CFDP1: variants seen among roughly 807,000 people sequenced by gnomAD.
CFDP1 encodes the protein chromatin remodeling protein CFDP1.
A neutral mutation model predicts 40.1 loss-of-function variants in CFDP1; 31 were observed. That is an observed-to-expected ratio of 0.77 (90% CI 0.58 to 1.04). CFDP1 has a LOEUF of 1.04. Ranked by LOEUF, CFDP1 falls within the 50% of genes least tolerant of loss-of-function variation. CFDP1 has a pLI of 0.00. For synonymous variants in CFDP1, 167 were observed against 120.0 expected (o/e 1.39, Z -2.56); for missense variants, 423 against 343.4 (o/e 1.23, Z -1.83).
chr16:75,365,779 C>T (rs1001519076), intron 5 of CFDP1, among the ~76,000 whole-genome samples: 1 of 152,086 alleles, frequency 6.6e-6, no homozygotes, highest in Non-Finnish European at 1.5e-5. Context: ...TACAAATAGC[C>T]AGTAAGTACA....
At chr16:75,353,453 C>G (rs1209171612) in intron 5 of CFDP1, among the ~76,000 whole-genome samples, 1 of 152,008 alleles carries the variant, frequency 6.6e-6, no homozygotes, top group Non-Finnish European at 1.5e-5. Flanking sequence ...GGTAGGAGTA[C>G]AGGTGATATA....
chr16:75,385,022 CTTAAT>C (rs1271651664), intron 5 of CFDP1, among the ~76,000 whole-genome samples: 1 of 151,028 alleles, frequency 6.6e-6, no homozygotes, highest in Non-Finnish European at 1.5e-5. Context: ...TTAACTTATT[CTTAAT>C]TTATTTTTAA....
At chr16:75,389,494 C>G (rs2078930017) in intron 5 of CFDP1, among the ~76,000 whole-genome samples, 1 of 152,164 alleles carries the variant, frequency 6.6e-6, no homozygotes, top group African/African-American at 2.4e-5. Context: ...ATTTGCTCCT[C>G]TAAATCTGTT....
intron 5 of CFDP1, among the ~76,000 whole-genome samples, chr16:75,388,862 G>A (rs11149820): frequency 0.5 from 75,272 of 151,540 alleles, 20,127 homozygotes; most frequent in Admixed American, 0.63. Flanking sequence ...CTATCTTTGG[G>A]GAAAACACTG....
intron 5 of CFDP1, among the ~76,000 whole-genome samples, chr16:75,306,076 C>T (rs911006638): frequency 1.3e-5 from 2 of 152,272 alleles, no homozygotes; most frequent in East Asian, 3.9e-4. Flanking sequence ...TGAAATGAAA[C>T]GAAATCATCT....
chr16:75,378,953 C>T (rs1274206670), intron 5 of CFDP1, among the ~76,000 whole-genome samples: 1 of 151,922 alleles, frequency 6.6e-6, no homozygotes, highest in African/African-American at 2.4e-5. Context: ...CAACAGAAAA[C>T]TCTCTGAAAA....
intron 5 of CFDP1, among the ~76,000 whole-genome samples, chr16:75,314,630 C>A (rs185923907): frequency 3.4e-4 from 51 of 152,196 alleles, no homozygotes; most frequent in Admixed American, 2.7e-3. Context: ...GGGAATTATA[C>A]CTAAATAAAG....
rs771060460 is a variant in CFDP1 at position 75,422,596 on chromosome 16, T to C, written c.65-7901A>G. On this transcript the variant is annotated intron_variant, in intron 1 of 6. Coordinates refer to ENST00000283882, the MANE Select transcript of CFDP1 (RefSeq NM_006324.3). ...TTTTGGTAGAGACGGGGTTTCACCA[T>C]GTTCGTCAGACTAGTCTTGAACTCC... is the stretch of plus-strand genomic sequence containing the variant. Among the ~76,000 whole-genome samples the C allele has an allele frequency of 5.3e-5, 8 of 151,032 alleles. No homozygotes were observed. In the East Asian group the frequency reaches 1.4e-3, roughly 26 times the overall value.
chr16:75,327,386 A>T (rs1390578570), intron 5 of CFDP1, among the ~76,000 whole-genome samples: 1 of 152,206 alleles, frequency 6.6e-6, no homozygotes, highest in Non-Finnish European at 1.5e-5. Context: ...ACAGAAAGCA[A>T]AGAGAACAAA....
At chr16:75,357,864 G>A (rs1202115392) in intron 5 of CFDP1, among the ~76,000 whole-genome samples, 1 of 152,154 alleles carries the variant, frequency 6.6e-6, no homozygotes, top group Non-Finnish European at 1.5e-5. Context: ...GGTACAAGAG[G>A]CCTAGCTTTT....
At chr16:75,310,397 G>C (rs2078287666) in intron 5 of CFDP1, among the ~76,000 whole-genome samples, 1 of 152,098 alleles carries the variant, frequency 6.6e-6, no homozygotes, top group African/African-American at 2.4e-5. Flanking sequence ...CACCAACCAA[G>C]ACCTTGATTA....
intron 5 of CFDP1, among the ~76,000 whole-genome samples, chr16:75,318,640 G>A (rs1396793995): frequency 5.9e-5 from 9 of 152,016 alleles, no homozygotes; most frequent in Non-Finnish European, 8.8e-5. Context: ...TCCTGACCTT[G>A]TGATCCGCCC....
At chr16:75,303,400 A>AATGAATGAATGTATGTATGTATGT (rs55834001) in intron 6 of CFDP1, among the ~76,000 whole-genome samples, 60 of 146,244 alleles carry the variant, frequency 4.1e-4, no homozygotes, top group East Asian at 1.4e-3. Context: ...TAAATAAATA[A>AATGAATGAATGTATGTATGTATGT]ATGTATGTAT....
rs1000748042 is a variant in CFDP1, at chr16:75,353,045, G to A, written c.650+42045C>T. Among the ~76,000 whole-genome samples, 7 of 152,006 alleles carry A rather than the reference G, an allele frequency of 4.6e-5. No homozygotes were observed. The South Asian group carries it at 8.3e-4, about 18-fold the overall frequency. ...TAACCAGCAAAACCCATGAGTATGTGGGCAACATCCTCAGTTTCTTCAGCT... is the reference window on the plus strand; with the variant it reads ...TAACCAGCAAAACCCATGAGTATGTAGGCAACATCCTCAGTTTCTTCAGCT... On this transcript the variant is annotated intron_variant, in intron 5 of 6. Coordinates refer to ENST00000283882, the MANE Select transcript of CFDP1 (RefSeq NM_006324.3).
intron 1 of CFDP1, among the ~76,000 whole-genome samples, chr16:75,423,084 T>C (rs1168044568): frequency 6.6e-6 from 1 of 151,750 alleles, no homozygotes; most frequent in East Asian, 2.0e-4. Context: ...ATCGAGACCA[T>C]CCTGGCTAAC....
chr16:75,352,926 T>C (rs1423440537), intron 5 of CFDP1, among the ~76,000 whole-genome samples: 1 of 152,136 alleles, frequency 6.6e-6, no homozygotes, highest in Non-Finnish European at 1.5e-5. Flanking sequence ...AAACTATATA[T>C]GTGAAATTGA....
chr16:75,341,467 G>A (rs143026138), intron 5 of CFDP1, among the ~76,000 whole-genome samples: 73 of 152,246 alleles, frequency 4.8e-4, no homozygotes, highest in African/African-American at 1.5e-3. Context: ...AGATTATCTT[G>A]AGGCTGTCAA....
In CFDP1 at chr16:75,293,806, A is replaced by C. The variant is rs917784272; in HGVS notation, c.*146T>G. 2.4e-5 allele frequency: 15 copies of C among 613,612 alleles called. No homozygotes were observed. Among genetic ancestry groups the C allele is most frequent in the African/African-American group, 2.0e-4 (11 of 53,840 alleles). 38.0% of individuals were successfully genotyped at this position (613,612 alleles called of 1,614,324 possible). On this transcript the variant is annotated 3_prime_UTR_variant, in exon 7 of 7. Transcript: ENST00000283882. The stretch of plus-strand genomic sequence containing the variant: ...AAAGTGAATGAAACCATTTGTGATT[A>C]AGATACATAGACAGAACTTCAATGT...
chr16:75,403,250 ACT>A (rs2079070675), intron 4 of CFDP1, among the ~76,000 whole-genome samples: 1 of 152,084 alleles, frequency 6.6e-6, no homozygotes, highest in Non-Finnish European at 1.5e-5. Context: ...ACAGGGTCTC[ACT>A]CTGTCACCCA....
Sources: allele counts gnomAD v4.1 joint callset (sites outside exome capture counted in the v4.1 genomes callset), GRCh38; gene constraint gnomAD v4.1.1; transcripts MANE v1.5; gene names NCBI Gene and HGNC (gene_info 2026-07-23, HGNC 2026-07-21).